LAMC2: variants seen among roughly 807,000 people sequenced by gnomAD.
LAMC2 encodes laminin subunit gamma-2.
Under a neutral mutation model 140.2 loss-of-function variants are expected in LAMC2, and 97 were observed. The observed-to-expected ratio is 0.69, with a 90% confidence interval of 0.59 to 0.82. The LOEUF is 0.82. Among genes scored for constraint, LAMC2 ranks in the 40% least tolerant of loss-of-function variants. The probability of loss-of-function intolerance (pLI) is 0.00; values close to 1 mark genes in which losing one functional copy is unlikely to be tolerated. For missense variants in LAMC2, 1,402 were observed against 1,476.1 expected, an observed-to-expected ratio of 0.95 and a Z score of 0.82; for synonymous variants, 513 against 540.2, an observed-to-expected ratio of 0.95 and a Z score of 0.70.
chr1:183,198,836 C>G (rs1658609412), intron 1 of LAMC2, among the ~76,000 whole-genome samples: 1 of 152,154 alleles, frequency 6.6e-6, no homozygotes, highest in African/African-American at 2.4e-5. Flanking sequence ...GTGGGCAGTC[C>G]TAGGGTGGAA....
At chr1:183,249,813 AACCTGTT>A (rs1660328641), downstream of LAMC2, 1 of 151,656 alleles carries the variant, frequency 6.6e-6, no homozygotes. Context: ...TTAAATAGGA[AACCTGTT>A]TTTAGTACAG....
rs1558096642 is a variant in LAMC2, at chr1:183,234,433, A to G, written c.2287A>G (p.Arg763Gly). Residue 763 changes from arginine to glycine, a missense_variant, in exon 15 of 23, where the codon AGA (arginine) becomes GGA (glycine). Physicochemically the swap from Arg to Gly is moderately radical, Grantham distance 125 (BLOSUM62 -2). Coordinates refer to ENST00000264144, the MANE Select transcript of LAMC2 (RefSeq NM_005562.3). ...GFKSLAQEAT[R>G]LAESHVESAS... ...TAAAAGTCTGGCTCAGGAGGCCACAAGATTAGCAGAAAGGTGAGCAGCATT... is the reference window on the plus strand; with the variant it reads ...TAAAAGTCTGGCTCAGGAGGCCACAGGATTAGCAGAAAGGTGAGCAGCATT... 1.9e-6 allele frequency: 3 copies of G among 1,614,014 alleles called. No individual in the cohort carries two copies. The highest frequency in any genetic ancestry group is 2.7e-5 in the African/African-American group (2 of 75,054).
At chr1:183,213,846 A>G (rs914634119) in intron 2 of LAMC2, among the ~76,000 whole-genome samples, 4 of 149,200 alleles carry the variant, frequency 2.7e-5, no homozygotes, top group African/African-American at 9.9e-5. Flanking sequence ...CAGGCAGATC[A>G]CCTAAGATTG....
intron 19 of LAMC2, 39 bp downstream of exon 19, chr1:183,238,460 G>A (rs1660033221): frequency 5.7e-6 from 8 of 1,398,400 alleles, no homozygotes; most frequent in South Asian, 1.2e-5. Context: ...AGTATTTTAA[G>A]TGTATAGTCA....
At chr1:183,202,820 G>A (rs487313) in intron 1 of LAMC2, among the ~76,000 whole-genome samples, 26,436 of 152,014 alleles carry the variant, frequency 0.17, 2,478 homozygotes, top group African/African-American at 0.23. Flanking sequence ...TGTAAACTCC[G>A]TGAGGGCTGG....
intron 20 of LAMC2, 40 bp downstream of exon 20, chr1:183,239,603 CA>C: frequency 6.5e-7 from 1 of 1,534,512 alleles, no homozygotes; most frequent in Non-Finnish European, 9.0e-7. Flanking sequence ...CCAGTAGCAC[CA>C]AACACAAGGG....
At chr1:183,220,769 T>A (rs1408180507) in intron 4 of LAMC2, 56 bp from the exon 5 acceptor site, 1 of 1,549,994 alleles carries the variant, frequency 6.5e-7, no homozygotes, top group African/African-American at 1.4e-5. Context: ...CATCATATTT[T>A]TTCTATAGAA....
At chr1:183,197,421 T>A (rs1397950224) in intron 1 of LAMC2, among the ~76,000 whole-genome samples, 1 of 152,184 alleles carries the variant, frequency 6.6e-6, no homozygotes, top group Non-Finnish European at 1.5e-5. Context: ...GTGCCTGTAA[T>A]CCCAACACTT....
intron 1 of LAMC2, among the ~76,000 whole-genome samples, chr1:183,203,002 T>C (rs564828967): frequency 6.6e-6 from 1 of 152,350 alleles, no homozygotes; most frequent in South Asian, 2.1e-4. Context: ...TGTGATATAA[T>C]AGGGCTTCCT....
intron 1 of LAMC2, among the ~76,000 whole-genome samples, chr1:183,190,355 C>T (rs1294780621): frequency 6.6e-6 from 1 of 152,118 alleles, no homozygotes; most frequent in East Asian, 1.9e-4. Flanking sequence ...TTTTTACTCT[C>T]CTTTCGTCAG....
downstream of LAMC2, among the ~76,000 whole-genome samples, chr1:183,245,983 C>T (rs1468277253): frequency 6.6e-6 from 1 of 152,146 alleles, no homozygotes; most frequent in Non-Finnish European, 1.5e-5. Context: ...TCCTTACTAA[C>T]ATGGTGAAAC....
At chr1:183,222,617 C>G (rs904251757) in intron 6 of LAMC2, among the ~76,000 whole-genome samples, 2 of 151,834 alleles carry the variant, frequency 1.3e-5, no homozygotes, top group African/African-American at 4.8e-5. Context: ...GTGGTACGTG[C>G]CTTGGTGGAA....
chr1:183,187,035 GT>G (rs1658176434), intron 1 of LAMC2, among the ~76,000 whole-genome samples: 1 of 152,188 alleles, frequency 6.6e-6, no homozygotes, highest in Non-Finnish European at 1.5e-5. Flanking sequence ...TGGCTGTCAT[GT>G]GTTAGACGTT....
At chr1:183,236,068 T>G (rs1380071498) in intron 16 of LAMC2, among the ~76,000 whole-genome samples, 2 of 151,946 alleles carry the variant, frequency 1.3e-5, no homozygotes, top group Non-Finnish European at 2.9e-5. Context: ...TATCAAGAAG[T>G]GGGGAATTTG....
rs911481320 is a variant in LAMC2, at chr1:183,231,081, G to C, written c.1835G>C (p.Cys612Ser). ...CEHGAFSCPA[C>S]YNQVKIQMDQ... is the part of the protein sequence containing the mutation. ...CATGGAGCATTCAGCTGTCCAGCTT[G>C]CTATAATCAAGTGAAGATTCAGGTA... Residue 612 changes from cysteine to serine, a missense_variant, in exon 12 of 23, where the codon TGC becomes TCC. This residue lies in a region of LAMC2 where 723 missense variants were observed against 783.3 expected (regional missense o/e 0.92). Coordinates refer to ENST00000264144, the MANE Select transcript of LAMC2 (RefSeq NM_005562.3). 2.5e-6 allele frequency: 4 copies of C among 1,614,020 alleles called. No individual in the cohort carries two copies. Among genetic ancestry groups the C allele is most frequent in the African/African-American group, 1.3e-5 (1 of 74,892 alleles).
chr1:183,217,887 C>T (rs1659326492), intron 3 of LAMC2, among the ~76,000 whole-genome samples: 1 of 152,088 alleles, frequency 6.6e-6, no homozygotes, highest in African/African-American at 2.4e-5. Flanking sequence ...TTGGATTGTA[C>T]ATTTTAAATG....
intron 17 of LAMC2, 109 bp from the exon 18 acceptor site, chr1:183,237,243 G>T: frequency 8.0e-7 from 1 of 1,251,058 alleles, no homozygotes; most frequent in Non-Finnish European, 1.2e-6. Context: ...CTATTTTCTT[G>T]GCTTCTTAAG....
In LAMC2 at chr1:183,218,471, T is replaced by C; in HGVS notation, c.486T>C (p.Thr162=). The part of the protein sequence containing the change: ...AGRCVCKPAV[T]GERCDRCRSG... ...GCTGTGTCTGCAAGCCAGCTGTCAC[T>C]GGAGAACGCTGTGATAGGTCTGTGT... The change falls in exon 4 of 23, where the codon ACT becomes ACC. Residue 162 remains threonine, a synonymous_variant. Transcript: ENST00000264144. 1.9e-6 allele frequency: 3 copies of C among 1,613,328 alleles called. No homozygotes were observed. Among genetic ancestry groups the C allele is most frequent in the Non-Finnish European group, 2.5e-6 (3 of 1,179,392 alleles).
chr1:183,208,352 A>C (rs1658965624), intron 2 of LAMC2, among the ~76,000 whole-genome samples: 1 of 152,192 alleles, frequency 6.6e-6, no homozygotes, highest in Non-Finnish European at 1.5e-5. Context: ...CTTGAATTCT[A>C]ATACAAAGAG....
Sources: allele counts gnomAD v4.1 joint callset (sites outside exome capture counted in the v4.1 genomes callset), GRCh38; gene constraint gnomAD v4.1.1; regional missense constraint gnomAD v4.1.1; transcripts MANE v1.5; gene names NCBI Gene and HGNC (gene_info 2026-07-23, HGNC 2026-07-21).